Variants in USP32 observed in about 807,000 individuals in gnomAD.
USP32 encodes the protein ubiquitin specific peptidase 32.
Under a neutral mutation model 204.8 loss-of-function variants are expected in USP32, and 59 were observed. The observed-to-expected ratio is 0.29, with a 90% CI of 0.23 to 0.36. The LOEUF is 0.36. USP32 is among the 10% of genes least tolerant of loss of function. USP32 has a pLI of 1.00. For synonymous variants in USP32, 517 were observed against 678.4 expected, an observed-to-expected ratio of 0.76 and a Z score of 3.70; for missense variants, 1,160 against 1,946.4, an observed-to-expected ratio of 0.60 and a Z score of 7.60.
intron 15 of USP32, among the ~76,000 whole-genome samples, chr17:60,221,068 G>A (rs1222008339): frequency 6.7e-6 from 1 of 149,902 alleles, no homozygotes; most frequent in Non-Finnish European, 1.5e-5. Context: ...TTTTTTTTTA[G>A]TATCAAGAGG....
chr17:60,231,614 C>G (rs776171534), intron 12 of USP32: 2 of 517,576 alleles, frequency 3.9e-6, no homozygotes, highest in Middle Eastern at 3.2e-4. Context: ...CTAAGGAGAA[C>G]AGGGACCCCC....
chr17:60,228,025 A>G (rs1397258786), intron 12 of USP32, among the ~76,000 whole-genome samples: 1 of 152,084 alleles, frequency 6.6e-6, no homozygotes. Context: ...AAAGTAGTCA[A>G]AATTCTTTTT....
intron 11 of USP32, among the ~76,000 whole-genome samples, chr17:60,244,036 T>TTTTTTTTTG (rs2085948199): frequency 7.4e-6 from 1 of 135,324 alleles, no homozygotes; most frequent in African/African-American, 2.9e-5. Flanking sequence ...TGTGTTTTTT[T>TTTTTTTTTG]TTTTTTTTTT....
intron 1 of USP32, among the ~76,000 whole-genome samples, chr17:60,412,419 C>A (rs1375137546): frequency 7.4e-6 from 1 of 135,490 alleles, no homozygotes; most frequent in Non-Finnish European, 1.6e-5. Context: ...GGCGGTGGGG[C>A]GGGGGAGCAG....
intron 1 of USP32, among the ~76,000 whole-genome samples, 181 bp downstream of exon 1, chr17:60,391,701 T>A (rs562094444): frequency 2.4e-4 from 36 of 151,914 alleles, no homozygotes; most frequent in African/African-American, 8.7e-4. Flanking sequence ...CGGCCCTAAT[T>A]CCCAAACGCT....
Position 60,226,128 on chromosome 17 carries a change from C to T in USP32, c.1343G>A (p.Gly448Glu), listed in dbSNP as rs1261961500. 6.2e-7 allele frequency: 1 copy of T among 1,608,612 alleles called. No homozygotes were observed. The highest frequency in any genetic ancestry group is 2.2e-5 in the East Asian group (1 of 44,588). The change falls in exon 13 of 34, where the codon GGA becomes GAA. Residue 448 changes from glycine to glutamate, a missense_variant. By Grantham distance (98) the Gly-to-Glu change is moderately conservative. Transcript: ENST00000300896. ...AGTATTCACGTAACTGAGGCTGCTTCCAATTCTATCTTCGACCTGCTCCAT... is the reference window on the plus strand; with the variant it reads ...AGTATTCACGTAACTGAGGCTGCTTTCAATTCTATCTTCGACCTGCTCCAT... ...HPMEQVEDRI[G>E]SSLSYVNTTE...
chr17:60,249,769 G>A (rs964901221), intron 11 of USP32: 1 of 699,840 alleles, frequency 1.4e-6, no homozygotes, highest in Non-Finnish European at 2.6e-6. Flanking sequence ...ATGGTTGTTT[G>A]ACAATTTTGT....
intron 1 of USP32, among the ~76,000 whole-genome samples, chr17:60,355,651 A>AGCCT (rs918849915): frequency 1.3e-5 from 2 of 151,958 alleles, no homozygotes; most frequent in Admixed American, 6.6e-5. Context: ...GTTTAAGACC[A>AGCCT]GCCTGGGCAA....
intron 4 of USP32, among the ~76,000 whole-genome samples, chr17:60,290,863 TA>T (rs2087254876): frequency 6.6e-6 from 1 of 152,182 alleles, no homozygotes; most frequent in Non-Finnish European, 1.5e-5. Flanking sequence ...TCATGATCGC[TA>T]GCGAAGATGT....
At chr17:60,218,439 C>G (rs1219407283) in intron 16 of USP32, among the ~76,000 whole-genome samples, 1 of 151,722 alleles carries the variant, frequency 6.6e-6, no homozygotes, top group African/African-American at 2.4e-5. Context: ...TGAATATAAC[C>G]TTTAATGAAG....
intron 26 of USP32, among the ~76,000 whole-genome samples, chr17:60,201,370 CAT>C (rs1490739428): frequency 3.9e-5 from 6 of 152,112 alleles, no homozygotes; most frequent in African/African-American, 1.4e-4. Flanking sequence ...TATTCTTGTA[CAT>C]ATCTCCTGGT....
chr17:60,213,628 T>C lies in USP32; in HGVS notation c.2057A>G (p.Lys686Arg), dbSNP rs1282133188. The C allele has an allele frequency of 9.4e-6, 13 of 1,385,384 alleles. No homozygotes were observed. The highest frequency in any genetic ancestry group is 1.3e-5 in the Non-Finnish European group (13 of 1,025,454). The allele number at this position is 1,385,384 out of a possible 1,614,324, so 85.8% of individuals were successfully genotyped here. Residue 686 changes from lysine (K) to arginine (R), a missense_variant, in exon 18 of 34, where the codon AAA becomes AGA. This residue lies in a region of USP32 where 132 missense variants were observed against 432.8 expected (regional missense o/e 0.30). Transcript: ENST00000300896. ...YLTLLDDEDH[K>R]LEYLKIQDEQ... ...ATCCTGGATTTTCAAATATTCCAAT[T>C]TATGATCCTCATCATCCAGAAGAGT... is the stretch of plus-strand genomic sequence containing the variant.
chr17:60,194,859 GA>G (rs1435955611), intron 27 of USP32, among the ~76,000 whole-genome samples: 2 of 152,080 alleles, frequency 1.3e-5, no homozygotes, highest in Non-Finnish European at 1.5e-5. Flanking sequence ...TCACTGCCCT[GA>G]AATCCTCACT....
chr17:60,181,588 A>G lies in USP32; in HGVS notation c.4284T>C (p.Asp1428=). The G allele has an allele frequency of 2.5e-6, 4 of 1,613,992 alleles. No homozygotes were observed. The highest frequency in any genetic ancestry group is 3.4e-6 in the Non-Finnish European group (4 of 1,179,866). Residue 1428 remains aspartate, a synonymous_variant, in exon 32 of 34, where the codon GAT becomes GAC. Coordinates refer to ENST00000300896, the MANE Select transcript of USP32 (RefSeq NM_032582.4). ...GCCCAGCCCCATTTTCTTTGCTGGC[A>G]TCCAAGTTCTCTTTACTACTTGACA... is the stretch of plus-strand genomic sequence containing the variant. ...NKLSSSKENL[D]ASKENGAGQI...
At chr17:60,318,711 C>A (rs1460847981) in intron 2 of USP32, among the ~76,000 whole-genome samples, 1 of 152,046 alleles carries the variant, frequency 6.6e-6, no homozygotes, top group Non-Finnish European at 1.5e-5. Flanking sequence ...TGGAGTAGAA[C>A]CAAAACACAA....
chr17:60,289,726 G>A (rs1272417939), intron 4 of USP32, among the ~76,000 whole-genome samples: 1 of 152,018 alleles, frequency 6.6e-6, no homozygotes, highest in Non-Finnish European at 1.5e-5. Flanking sequence ...AAAGGGAGAA[G>A]CAATTCACAA....
At chr17:60,414,520 C>T (rs1241388665) in intron 1 of USP32, among the ~76,000 whole-genome samples, 1 of 151,294 alleles carries the variant, frequency 6.6e-6, no homozygotes, top group Non-Finnish European at 1.5e-5. Context: ...CCTCTGCCTC[C>T]CAGGTTCAAG....
intron 1 of USP32, among the ~76,000 whole-genome samples, chr17:60,409,613 A>G (rs1157200594): frequency 2.6e-5 from 4 of 152,226 alleles, no homozygotes; most frequent in Non-Finnish European, 5.9e-5. Flanking sequence ...ACATAGAAAA[A>G]GTATGATAGT....
intron 11 of USP32, among the ~76,000 whole-genome samples, chr17:60,239,329 ATCTT>A (rs1053558750): frequency 6.6e-6 from 1 of 152,006 alleles, no homozygotes; most frequent in Admixed American, 6.6e-5. Context: ...CACTTTGTTT[ATCTT>A]TCTTTAAGTC....
Sources: gnomAD v4.1 joint callset for allele counts (sites outside exome capture counted in the v4.1 genomes callset) on GRCh38, gnomAD v4.1.1 for gene constraint, gnomAD v4.1.1 regional missense constraint, MANE v1.5 for transcripts, NCBI Gene and HGNC (gene_info 2026-07-23, HGNC 2026-07-21) for gene names.